HCRTR2: variants seen among roughly 807,000 people sequenced by gnomAD.
The protein encoded by HCRTR2 is orexin receptor type 2.
HCRTR2 carries 22 observed loss-of-function variants against 49.0 expected under a neutral mutation model. The observed-to-expected ratio is 0.45, with a 90% CI of 0.32 to 0.64. The LOEUF (loss-of-function observed/expected upper bound fraction) is 0.64. Among genes scored for constraint, HCRTR2 ranks in the 30% least tolerant of loss-of-function variants. The probability of loss-of-function intolerance (pLI) is 0.04; values close to 1 mark genes in which losing one functional copy is unlikely to be tolerated. For synonymous variants in HCRTR2, 236 were observed against 205.3 expected (o/e 1.15, Z -1.28); for missense variants, 491 against 559.4 (o/e 0.88, Z 1.23).
rs181789949 is a variant in HCRTR2, at chr6:55,111,041, G to C, written c.-378+4496G>C. Among the ~76,000 whole-genome samples, 70 of 152,154 alleles carry C rather than the reference G, an allele frequency of 4.6e-4. 1 individual carries two copies. The highest frequency in any genetic ancestry group is 8.5e-4 in the Non-Finnish European group (58 of 67,950). On this transcript the variant is annotated intron_variant, in intron 1 of 7. Transcript: ENST00000615358. ...TCAAGTACTCGTTCAGACCAGAGTG[G>C]AATAAAACTGAAAATCAACTTCAAA...
intron 1 of HCRTR2, among the ~76,000 whole-genome samples, chr6:55,132,332 C>A (rs544808685): frequency 6.6e-6 from 1 of 151,862 alleles, no homozygotes; most frequent in Non-Finnish European, 1.5e-5. Context: ...AGGTTTTAGC[C>A]TTGATTAACT....
chr6:55,226,284 C>A (rs1766002600), intron 1 of HCRTR2, among the ~76,000 whole-genome samples: 1 of 152,046 alleles, frequency 6.6e-6, no homozygotes. Flanking sequence ...CCTATTTGTT[C>A]AGGATGAAGT....
rs1353287066 is a variant in HCRTR2 at position 55,165,743 on chromosome 6, GAATATATATATATATATATA to G, written c.-377-8467_-377-8448del. ...GTATTTGTTAAGGGATTAGTATACA[GAATATATATATATATATATA>G]TATATATATATATATATATATATAT... On this transcript the variant is annotated intron_variant, in intron 1 of 7. Transcript: ENST00000615358. Among the ~76,000 whole-genome samples the G allele has an allele frequency of 2.1e-3, 187 of 90,224 alleles. 4 individuals are homozygous for G. The highest frequency in any genetic ancestry group is 8.5e-3 in the African/African-American group (171 of 20,128). 59.2% of individuals were successfully genotyped at this position (90,224 alleles called of 152,430 possible).
chr6:55,192,413 G>GCGCGCACACACACA (rs139180472), intron 1 of HCRTR2, among the ~76,000 whole-genome samples: 2 of 128,450 alleles, frequency 1.6e-5, no homozygotes, highest in Admixed American at 8.6e-5. Flanking sequence ...GCGCGCGCGC[G>GCGCGCACACACACA]CACACACACA....
Position 55,281,826 on chromosome 6 carries a change from T to C in HCRTR2, c.1106-399T>C, listed in dbSNP as rs75607771. Among the ~76,000 whole-genome samples, 1,478 of 152,296 alleles carry C rather than the reference T, an allele frequency of 9.7e-3. 28 individuals are homozygous for C. Among genetic ancestry groups the C allele is most frequent in the African/African-American group, 0.032 (1,331 of 41,558 alleles). ...TATTTAGAGTAAAATGCAGGAGTAA[T>C]TTTTGTATAATTTTGGCTTTGTATG... On this transcript the variant is annotated intron_variant, in intron 6 of 6. Coordinates refer to ENST00000370862, the MANE Select transcript of HCRTR2 (RefSeq NM_001384272.1).
rs554885516 is a variant in HCRTR2, at chr6:55,174,858, C to T, written c.223+48C>T. 3 of 1,489,716 alleles carry T rather than the reference C, an allele frequency of 2.0e-6. No individual in the cohort carries two copies. The East Asian group carries it at 6.8e-5, about 34-fold the overall frequency. The allele number at this position is 1,489,716 out of a possible 1,614,324, so 92.3% of individuals were successfully genotyped here. On this transcript the variant is annotated intron_variant, in intron 1 of 6. Transcript: ENST00000370862. ...CTCCTAGGGGCTATCACCCCCTCTC[C>T]GCCCCGGGCTGAGAAGGCTCTAAAG...
At chr6:55,212,098 A>G (rs1288172881) in intron 1 of HCRTR2, among the ~76,000 whole-genome samples, 3 of 152,168 alleles carry the variant, frequency 2.0e-5, no homozygotes, top group Non-Finnish European at 4.4e-5. Context: ...ATATCTCAAG[A>G]TCATGCTGAA....
At chr6:55,216,840 A>C (rs1442938095) in intron 1 of HCRTR2, among the ~76,000 whole-genome samples, 1 of 152,152 alleles carries the variant, frequency 6.6e-6, no homozygotes, top group Non-Finnish European at 1.5e-5. Flanking sequence ...ACATTGCTGT[A>C]GTGGGGCTCT....
chr6:55,171,874 TAG>T (rs1764955218), upstream of HCRTR2, among the ~76,000 whole-genome samples: 5 of 152,274 alleles, frequency 3.3e-5, no homozygotes, highest in African/African-American at 1.2e-4. Flanking sequence ...ACTTAGGAAA[TAG>T]CAGACTGGGT....
At chr6:55,150,486 C>T (rs970489914) in intron 1 of HCRTR2, among the ~76,000 whole-genome samples, 1 of 151,926 alleles carries the variant, frequency 6.6e-6, no homozygotes. Context: ...CCTTTGGTTA[C>T]ACCTCCCCAT....
At chr6:55,262,158 G>A (rs887085738) in intron 3 of HCRTR2, among the ~76,000 whole-genome samples, 1 of 151,244 alleles carries the variant, frequency 6.6e-6, no homozygotes, top group Admixed American at 6.6e-5. Flanking sequence ...CACAGATTGG[G>A]TAAAGTGTAC....
At chr6:55,173,031 T>C (rs1242553532), upstream of HCRTR2, among the ~76,000 whole-genome samples, 1 of 152,164 alleles carries the variant, frequency 6.6e-6, no homozygotes. Context: ...ACCAAACAGA[T>C]GTAGGTGGGA....
intron 1 of HCRTR2, among the ~76,000 whole-genome samples, chr6:55,180,259 T>C (rs776880884): frequency 6.6e-6 from 1 of 152,216 alleles, no homozygotes; most frequent in Non-Finnish European, 1.5e-5. Context: ...CAGCACTAGG[T>C]TTCAAATATG....
intron 1 of HCRTR2, among the ~76,000 whole-genome samples, chr6:55,143,445 A>G (rs112626349): frequency 1.3e-5 from 2 of 152,214 alleles, no homozygotes; most frequent in African/African-American, 4.8e-5. Context: ...TGCAAGATTA[A>G]AACAAAAATC....
At chr6:55,109,465 T>TA (rs770234196) in intron 1 of HCRTR2, among the ~76,000 whole-genome samples, 27 of 148,288 alleles carry the variant, frequency 1.8e-4, no homozygotes, top group South Asian at 6.4e-4. Context: ...TTAAAGAAAT[T>TA]AAAAAAAAAA....
chr6:55,283,194 G>A (rs944126598), downstream of HCRTR2, among the ~76,000 whole-genome samples: 2 of 152,156 alleles, frequency 1.3e-5, no homozygotes, highest in African/African-American at 4.8e-5. Flanking sequence ...AACAAAAAGT[G>A]ATATAGTCAG....
intron 1 of HCRTR2, among the ~76,000 whole-genome samples, chr6:55,193,153 T>C (rs1289871165): frequency 6.6e-6 from 1 of 152,134 alleles, no homozygotes; most frequent in Non-Finnish European, 1.5e-5. Context: ...TGGCAAGCAC[T>C]CTTCTGACAT....
intron 1 of HCRTR2, among the ~76,000 whole-genome samples, chr6:55,206,893 T>C (rs1308028290): frequency 6.6e-6 from 1 of 152,054 alleles, no homozygotes; most frequent in Non-Finnish European, 1.5e-5. Flanking sequence ...AGTTTCCAAG[T>C]TCAGGATTTA....
chr6:55,189,912 G>A (rs115832194), intron 1 of HCRTR2, among the ~76,000 whole-genome samples: 2,668 of 152,220 alleles, frequency 0.018, 25 homozygotes, highest in Middle Eastern at 0.054. Flanking sequence ...TGATGAATTG[G>A]ACAAAGATAC....
Sources: allele counts gnomAD v4.1 joint callset (sites outside exome capture counted in the v4.1 genomes callset), GRCh38; gene constraint gnomAD v4.1.1; transcripts MANE v1.5; gene names NCBI Gene and HGNC (gene_info 2026-07-23, HGNC 2026-07-21).